Variants in ZBED6 observed in about 807,000 individuals in gnomAD.
ZBED6 encodes zinc finger BED domain-containing protein 6.
Under a neutral mutation model 58.4 loss-of-function variants are expected in ZBED6, and 40 were observed. The ratio of observed to expected loss-of-function variants is 0.68; its 90% CI spans 0.53 to 0.89. The LOEUF (loss-of-function observed/expected upper bound fraction) is 0.89. Among genes scored for constraint, ZBED6 ranks in the 40% least tolerant of loss-of-function variants. The pLI, the probability that ZBED6 is intolerant of heterozygous loss-of-function variation, is 0.00. For missense variants in ZBED6, 1,057 were observed against 1,003.9 expected (o/e 1.05, Z -0.71); for synonymous variants, 439 against 350.6 (o/e 1.25, Z -2.82).
chr1:203,831,853 C>A, intron 8 of ZBED6, 82 bp downstream of exon 8: 1 of 1,157,614 alleles, frequency 8.6e-7, no homozygotes, highest in Non-Finnish European at 1.2e-6. Flanking sequence ...TATCTTTTAC[C>A]TTTGATGAAT....
At chr1:203,796,585 T>G (rs1381027257) in exon 1 of ZBED6, 1 of 397,616 alleles carries the variant, frequency 2.5e-6, no homozygotes. Context: ...GAACTAGAGA[T>G]AGCGATGCTT....
rs144962991 is a variant in ZBED6 at position 203,820,466 on chromosome 1, T to TTGTGTGTGTGTGTGTGTGTGTGTGTGTG, written c.*2873+1778_*2873+1779insGTGTGTGTGTGTGTGTGTGTGTGTGTGT. Among the ~76,000 whole-genome samples, 660 of 136,444 alleles carry TTGTGTGTGTGTGTGTGTGTGTGTGTGTG rather than the reference T, an allele frequency of 4.8e-3. 2 individuals are homozygous for TTGTGTGTGTGTGTGTGTGTGTGTGTGTG. Among genetic ancestry groups the TTGTGTGTGTGTGTGTGTGTGTGTGTGTG allele is most frequent in the Middle Eastern group, 0.018 (5 of 284 alleles). The allele number at this position is 136,444 out of a possible 152,430, so 89.5% of individuals were successfully genotyped here. A position where few individuals can be genotyped will look rare whatever the true frequency, so the allele number is the denominator to read the frequency against. On this transcript the variant is annotated intron_variant, in intron 3 of 16. Coordinates refer to ENST00000550078, the Ensembl canonical transcript of ZBED6. ...ATAGCTTTAGCAGGAATATCACAAA[T>TTGTGTGTGTGTGTGTGTGTGTGTGTGTG]TATGTGTGTGTGTGTGTATATTTTG...
chr1:203,805,955 C>T (rs1672181366), intron 1 of ZBED6: 2 of 622,906 alleles, frequency 3.2e-6, no homozygotes, highest in Admixed American at 1.9e-5. Context: ...ATAGCATCAA[C>T]CGTGGTCTTG....
intron 3 of ZBED6, among the ~76,000 whole-genome samples, chr1:203,827,697 G>A (rs1248684937): frequency 2.0e-5 from 3 of 149,668 alleles, no homozygotes; most frequent in Non-Finnish European, 4.5e-5. Context: ...AAAAAAAAAA[G>A]TAAGGTGACT....
At chr1:203,809,971 CA>C (rs1175128365) in intron 1 of ZBED6, among the ~76,000 whole-genome samples, 3 of 151,166 alleles carry the variant, frequency 2.0e-5, no homozygotes, top group Non-Finnish European at 3.0e-5. Flanking sequence ...CAAAACTAAA[CA>C]AAAAAAAGTA....
At chr1:203,796,437 C>T (rs1278309950) in exon 1 of ZBED6, 2 of 398,998 alleles carry the variant, frequency 5.0e-6, no homozygotes, top group African/African-American at 2.1e-5. Context: ...GGGACACTTC[C>T]GTTCTCCTTG....
intron 8 of ZBED6, among the ~76,000 whole-genome samples, chr1:203,832,709 T>C (rs1682793887): frequency 1.3e-5 from 2 of 152,146 alleles, no homozygotes; most frequent in Admixed American, 6.5e-5. Context: ...TAAGGAATTA[T>C]AGATATAGAT....
At chr1:203,828,470 A>C in intron 4 of ZBED6, 48 bp downstream of exon 4, 1 of 1,559,186 alleles carries the variant, frequency 6.4e-7, no homozygotes, top group Middle Eastern at 1.7e-4. Flanking sequence ...AACACCTATT[A>C]TGCACACTGT....
chr1:203,842,175 G>A (rs1281354908), intron 11 of ZBED6, among the ~76,000 whole-genome samples: 2 of 151,584 alleles, frequency 1.3e-5, no homozygotes, highest in Non-Finnish European at 2.9e-5. Context: ...AGGCAGAGAC[G>A]CTCCTCACTT....
intron 1 of ZBED6, among the ~76,000 whole-genome samples, chr1:203,804,366 A>T (rs1671525807): frequency 1.3e-5 from 2 of 151,706 alleles, no homozygotes; most frequent in African/African-American, 4.8e-5. Context: ...GTTAGACAGG[A>T]TGGTCTCCAT....
At chr1:203,822,319 C>T (rs1334703597) in intron 3 of ZBED6, among the ~76,000 whole-genome samples, 1 of 152,086 alleles carries the variant, frequency 6.6e-6, no homozygotes, top group African/African-American at 2.4e-5. Context: ...TCCACAAGGA[C>T]ACCTTTCTCA....
intron 11 of ZBED6, among the ~76,000 whole-genome samples, chr1:203,841,252 A>G (rs1686092100): frequency 6.6e-6 from 1 of 151,756 alleles, no homozygotes; most frequent in Non-Finnish European, 1.5e-5. Flanking sequence ...AGGTCAGCAG[A>G]TAAACATGTG....
At chr1:203,825,021 G>C (rs1208163349) in intron 3 of ZBED6, among the ~76,000 whole-genome samples, 1 of 139,590 alleles carries the variant, frequency 7.2e-6, no homozygotes, top group Non-Finnish European at 1.5e-5. Flanking sequence ...AGGTTTCAGT[G>C]AGACAAGATT....
exon 12 of ZBED6, chr1:203,847,526 A>C: frequency 6.2e-7 from 1 of 1,613,964 alleles, no homozygotes; most frequent in Non-Finnish European, 8.5e-7. Context: ...CCTGCAGGTA[A>C]AACAAAGTCT....
At chr1:203,802,723 TG>T (rs201479839) in exon 1 of ZBED6, 13,217 of 136,782 alleles carry the variant, frequency 0.097, 723 homozygotes, top group Non-Finnish European at 0.14. Context: ...TCTTTTTTTT[TG>T]TTTTTTTTTT....
intron 9 of ZBED6, chr1:203,834,246 G>A (rs1184600266): frequency 4.7e-6 from 1 of 213,796 alleles, no homozygotes; most frequent in African/African-American, 2.3e-5. Flanking sequence ...TAAAATTTGA[G>A]TCCTTGAGTC....
chr1:203,835,830 A>C (rs570679180), intron 9 of ZBED6: 4 of 239,036 alleles, frequency 1.7e-5, no homozygotes, highest in Non-Finnish European at 3.7e-5. Flanking sequence ...TTCAATTTTA[A>C]GAAAAGCTAT....
intron 11 of ZBED6, among the ~76,000 whole-genome samples, chr1:203,844,480 TTC>T (rs1193385310): frequency 6.6e-6 from 1 of 152,224 alleles, no homozygotes; most frequent in African/African-American, 2.4e-5. Context: ...GCTCTGGGAT[TTC>T]TAATTCAAAT....
At chr1:203,798,580 C>G in exon 1 of ZBED6, 1 of 1,536,128 alleles carries the variant, frequency 6.5e-7, no homozygotes, top group Non-Finnish European at 8.7e-7. Flanking sequence ...GAAAAGTCTA[C>G]AGGCAGCCAA....
Sources: gnomAD v4.1 joint callset for allele counts (sites outside exome capture counted in the v4.1 genomes callset) on GRCh38, gnomAD v4.1.1 for gene constraint, MANE v1.5 for transcripts, NCBI Gene and HGNC (gene_info 2026-07-23, HGNC 2026-07-21) for gene names.